The following RABGEF1 variants were observed in gnomAD, a reference collection of about 807,000 sequenced individuals.
The protein encoded by RABGEF1 is RAB guanine nucleotide exchange factor 1.
In RABGEF1, 26 loss-of-function variants were observed where a neutral mutation model predicts 57.3. The ratio of observed to expected loss-of-function variants is 0.45; its 90% CI spans 0.33 to 0.63. The LOEUF (loss-of-function observed/expected upper bound fraction) is 0.63, where lower values mean the gene tolerates loss of function less well. RABGEF1 is among the 20% of genes least tolerant of loss of function. The pLI, the probability that RABGEF1 is intolerant of heterozygous loss-of-function variation, is 0.02. For missense variants in RABGEF1, 464 were observed against 607.6 expected (o/e 0.76, Z 2.48); for synonymous variants, 185 against 210.7 (o/e 0.88, Z 1.06).
At chr7:66,694,772 T>G (rs1792076496) in intron 1 of RABGEF1, among the ~76,000 whole-genome samples, 2 of 152,154 alleles carry the variant, frequency 1.3e-5, no homozygotes, top group South Asian at 2.1e-4. Flanking sequence ...GGGCGGAGCC[T>G]CCGATGATGC....
the RABGEF1 span, among the ~76,000 whole-genome samples, chr7:66,655,011 C>G: frequency 6.6e-6 from 1 of 152,218 alleles, no homozygotes; most frequent in African/African-American, 2.4e-5. Context: ...TCCGAAGCAA[C>G]ATTTGTGGTC....
intron 7 of RABGEF1, among the ~76,000 whole-genome samples, chr7:66,801,099 G>A (rs999556645): frequency 7.2e-5 from 11 of 152,200 alleles, no homozygotes; most frequent in Non-Finnish European, 1.6e-4. Flanking sequence ...ACACTCTTTA[G>A]GACTTCTGAA....
chr7:66,775,583 G>T (rs1419588780), intron 3 of RABGEF1, among the ~76,000 whole-genome samples, 190 bp downstream of exon 3: 3 of 152,174 alleles, frequency 2.0e-5, no homozygotes, highest in African/African-American at 7.2e-5. Flanking sequence ...GAAAGACATT[G>T]TGTTTTAGAG....
intron 1 of RABGEF1, among the ~76,000 whole-genome samples, chr7:66,701,482 G>C (rs1793248721): frequency 6.6e-6 from 1 of 150,900 alleles, no homozygotes; most frequent in South Asian, 2.1e-4. Flanking sequence ...CTGGAGGACA[G>C]AGCGAGACTC....
At chr7:66,676,873 C>T in the RABGEF1 span, among the ~76,000 whole-genome samples, 3 of 152,220 alleles carry the variant, frequency 2.0e-5, no homozygotes, top group Admixed American at 1.3e-4. Context: ...CATAAGCCAT[C>T]ACACCTGGTC....
intron 5 of RABGEF1, among the ~76,000 whole-genome samples, chr7:66,796,185 A>G (rs750129508): frequency 1.3e-5 from 2 of 152,166 alleles, no homozygotes; most frequent in Non-Finnish European, 2.9e-5. Flanking sequence ...GCTTTGCTAA[A>G]TGAATTTTCC....
Position 66,695,939 on chromosome 7 carries a change from G to A in RABGEF1, c.-873+13681G>A, listed in dbSNP as rs1448499019. Among the ~76,000 whole-genome samples, 9 of 150,720 alleles carry A rather than the reference G, an allele frequency of 6.0e-5. No individual in the cohort carries two copies. The South Asian group carries it at 6.4e-4, about 11-fold the overall frequency. ...TGAGATCGCACCACCGTACTTCAGC[G>A]TGGGTAACAAAGCGAGACTGTCTCA... On this transcript the variant is annotated intron_variant and NMD_transcript_variant, in intron 1 of 9. Transcript: ENST00000607882.
chr7:66,715,208 T>C (rs1391753577), intron 2 of RABGEF1, among the ~76,000 whole-genome samples: 1 of 152,098 alleles, frequency 6.6e-6, no homozygotes, highest in Non-Finnish European at 1.5e-5. Context: ...GCTCACTGCA[T>C]CCTCAAACTC....
At chr7:66,694,220 G>A (rs1010338902) in intron 1 of RABGEF1, among the ~76,000 whole-genome samples, 6 of 152,250 alleles carry the variant, frequency 3.9e-5, no homozygotes, top group Admixed American at 1.3e-4. Context: ...ACACCGTGGG[G>A]CAGCGGTGGC....
At chr7:66,734,995 G>C (rs1237895230) in intron 2 of RABGEF1, among the ~76,000 whole-genome samples, 2 of 152,142 alleles carry the variant, frequency 1.3e-5, no homozygotes, top group Non-Finnish European at 2.9e-5. Flanking sequence ...GGAAGTTTCA[G>C]GAACGTTAAG....
At chr7:66,700,071 C>T (rs1335984592) in intron 1 of RABGEF1, among the ~76,000 whole-genome samples, 1 of 152,190 alleles carries the variant, frequency 6.6e-6, no homozygotes, top group Non-Finnish European at 1.5e-5. Context: ...GGCCCAGAGC[C>T]CCTGCTGGAG....
intron 1 of RABGEF1, among the ~76,000 whole-genome samples, chr7:66,759,189 G>T (rs779538308): frequency 2.6e-5 from 4 of 152,170 alleles, no homozygotes; most frequent in Admixed American, 6.5e-5. Context: ...CCCCAGGGCT[G>T]CCCCCAGGTT....
rs772094931 is a variant in RABGEF1, at chr7:66,808,977, C to T, written c.1169C>T (p.Ser390Phe). 1.9e-6 allele frequency: 3 copies of T among 1,614,094 alleles called. No homozygotes were observed. Among genetic ancestry groups the T allele is most frequent in the Non-Finnish European group, 2.5e-6 (3 of 1,180,032 alleles). The change falls in exon 9 of 9, where the codon TCT becomes TTT. Residue 390 changes from serine (S) to phenylalanine (F), a missense_variant. Around this residue, in one of 4 missense-constraint regions of RABGEF1, gnomAD observed 151 missense variants for 152.2 expected, o/e 0.99. Coordinates refer to ENST00000284957, the MANE Select transcript of RABGEF1 (RefSeq NM_014504.3). Reference sequence around the variant, plus strand: ...GATCGCTACATGTCTGGCCAGACCTCTCCCAGGAAGCAAGAAGCTGAGAGT... The same window carrying T: ...GATCGCTACATGTCTGGCCAGACCTTTCCCAGGAAGCAAGAAGCTGAGAGT... ...DFDRYMSGQTSPRKQEAESWS... is the reference protein window; with the variant it reads ...DFDRYMSGQTFPRKQEAESWS...
the RABGEF1 span, among the ~76,000 whole-genome samples, chr7:66,659,164 C>A: frequency 2.6e-5 from 4 of 152,290 alleles, no homozygotes; most frequent in South Asian, 6.2e-4. Flanking sequence ...CTCAAGAAGA[C>A]ACTGCCTGCT....
At chr7:66,756,706 A>G (rs1287810866) in intron 1 of RABGEF1, among the ~76,000 whole-genome samples, 2 of 152,046 alleles carry the variant, frequency 1.3e-5, no homozygotes, top group African/African-American at 4.8e-5. Flanking sequence ...GATGACACTC[A>G]TCTCTTTAGA....
intron 1 of RABGEF1, among the ~76,000 whole-genome samples, chr7:66,694,076 T>C (rs1033854436): frequency 4.6e-5 from 7 of 152,230 alleles, no homozygotes; most frequent in African/African-American, 1.7e-4. Context: ...CCCACAGTGC[T>C]GGGATTACAG....
chr7:66,710,525 T>G (rs893726830), intron 1 of RABGEF1, among the ~76,000 whole-genome samples: 4 of 152,234 alleles, frequency 2.6e-5, no homozygotes, highest in African/African-American at 9.6e-5. Context: ...TTCCAGTCAT[T>G]TTATATCTTT....
chr7:66,666,792 C>T, the RABGEF1 span, among the ~76,000 whole-genome samples: 1 of 152,192 alleles, frequency 6.6e-6, no homozygotes, highest in Non-Finnish European at 1.5e-5. Context: ...GCCTCCCATC[C>T]GGCCCTGGAG....
intron 7 of RABGEF1, among the ~76,000 whole-genome samples, chr7:66,803,744 C>G (rs1297462140): frequency 1.3e-5 from 2 of 151,944 alleles, no homozygotes; most frequent in Non-Finnish European, 2.9e-5. Flanking sequence ...CAAAAATTAG[C>G]CGGGCGTGGT....
Sources: gnomAD v4.1 joint callset for allele counts (sites outside exome capture counted in the v4.1 genomes callset) on GRCh38, gnomAD v4.1.1 for gene constraint, gnomAD v4.1.1 regional missense constraint, MANE v1.5 for transcripts, NCBI Gene and HGNC (gene_info 2026-07-23, HGNC 2026-07-21) for gene names.